Variants in TECPR2 observed in about 807,000 individuals in gnomAD.
TECPR2 encodes the protein tectonin beta-propeller repeat containing 2.
TECPR2 carries 65 observed loss-of-function variants against 138.1 expected under a neutral mutation model. That is an observed-to-expected ratio of 0.47 (90% confidence interval 0.39 to 0.58). The LOEUF is 0.58. TECPR2 is among the 20% of genes least tolerant of loss of function. The pLI is 0.00. For synonymous variants in TECPR2, 746 were observed against 749.8 expected (o/e 0.99, Z 0.08); for missense variants, 1,553 against 1,824.5 (o/e 0.85, Z 2.71).
At chr14:102,450,889 T>C (rs906033042) in intron 15 of TECPR2, among the ~76,000 whole-genome samples, 1 of 152,286 alleles carries the variant, frequency 6.6e-6, no homozygotes, top group East Asian at 1.9e-4. Context: ...AAAGTGTCCT[T>C]CTGAAGGAGG....
In TECPR2 at chr14:102,498,231, C is replaced by G. The variant is rs1891345055; in HGVS notation, c.4210C>G (p.Leu1404Val). Residue 1404 changes from leucine to valine, a missense_variant, in exon 20 of 20, where the codon CTG (leucine) becomes GTG (valine). By Grantham distance (32) the Leu-to-Val change is conservative. Transcript: ENST00000359520. ...GGCCGCCATGCCCCACCCTGAGGAC[C>G]TGGAGGACGAGTGGGAGGTCATCTG... ...SQAAMPHPED[L>V]EDEWEVI is the part of the protein sequence containing the mutation. 1 of 1,604,552 alleles carries G rather than the reference C, an allele frequency of 6.2e-7. No individual in the cohort carries two copies. The highest frequency in any genetic ancestry group is 8.5e-7 in the Non-Finnish European group (1 of 1,179,924).
chr14:102,445,976 G>A (rs375825480), intron 13 of TECPR2, 29 bp downstream of exon 13: 103 of 1,593,614 alleles, frequency 6.5e-5, no homozygotes, highest in African/African-American at 1.1e-4. Context: ...GCCACGTGCC[G>A]AGGTCTCCCG....
chr14:102,468,523 G>A (rs916978270), intron 17 of TECPR2, among the ~76,000 whole-genome samples: 1 of 152,042 alleles, frequency 6.6e-6, no homozygotes, highest in Admixed American at 6.6e-5. Flanking sequence ...ATGTATTCTG[G>A]GTACTAGACC....
intron 6 of TECPR2, 28 bp from the exon 7 acceptor site, chr14:102,428,222 G>GTGT: frequency 9.5e-7 from 1 of 1,055,780 alleles, no homozygotes; most frequent in Non-Finnish European, 1.2e-6. Flanking sequence ...TGTGTTTTTT[G>GTGT]TTTTTTTTTT....
intron 4 of TECPR2, among the ~76,000 whole-genome samples, chr14:102,414,355 A>G (rs934700851): frequency 3.3e-5 from 5 of 152,240 alleles, no homozygotes; most frequent in African/African-American, 1.2e-4. Context: ...TAAAGAATGT[A>G]TCTACTGAGG....
At chr14:102,365,263 G>A (rs1469833124) in intron 1 of TECPR2, among the ~76,000 whole-genome samples, 3 of 152,310 alleles carry the variant, frequency 2.0e-5, no homozygotes, top group East Asian at 3.9e-4. Context: ...GAAGGGGAGA[G>A]AAAACAGATA....
At chr14:102,461,965 A>G (rs1029953805) in intron 16 of TECPR2, among the ~76,000 whole-genome samples, 5 of 152,198 alleles carry the variant, frequency 3.3e-5, no homozygotes, top group Admixed American at 2.6e-4. Flanking sequence ...GTCTGCAGGA[A>G]AGCCCTCAGT....
intron 12 of TECPR2, among the ~76,000 whole-genome samples, chr14:102,444,319 A>G (rs1889913144): frequency 6.6e-6 from 1 of 151,290 alleles, no homozygotes; most frequent in African/African-American, 2.4e-5. Context: ...CAGCCTCCTG[A>G]GTAGCTGGGA....
intron 5 of TECPR2, among the ~76,000 whole-genome samples, chr14:102,424,547 C>G (rs1377299220): frequency 4.6e-5 from 7 of 152,224 alleles, no homozygotes; most frequent in Non-Finnish European, 1.0e-4. Flanking sequence ...GTTGGCCAGG[C>G]TAGTCTCAAA....
chr14:102,392,095 T>C (rs1466555701), intron 2 of TECPR2, among the ~76,000 whole-genome samples: 1 of 152,140 alleles, frequency 6.6e-6, no homozygotes, highest in Non-Finnish European at 1.5e-5. Context: ...TTCAAGTGAT[T>C]CTCCTGCCTC....
intron 4 of TECPR2, among the ~76,000 whole-genome samples, chr14:102,409,866 G>C (rs189832233): frequency 6.6e-6 from 1 of 151,902 alleles, no homozygotes; most frequent in Non-Finnish European, 1.5e-5. Context: ...GTGCAGTGGC[G>C]CGATCTCGGC....
At chr14:102,478,507 C>A (rs1890816999) in intron 17 of TECPR2, among the ~76,000 whole-genome samples, 1 of 151,320 alleles carries the variant, frequency 6.6e-6, no homozygotes, top group African/African-American at 2.4e-5. Context: ...ATTGTGAAAT[C>A]CCATCTCTAT....
chr14:102,431,797 G>A lies in TECPR2; in HGVS notation c.1086G>A (p.Val362=), dbSNP rs775863338. The change falls in exon 8 of 20, where the codon GTG becomes GTA. Residue 362 remains valine, a splice_region_variant and synonymous_variant. Coordinates refer to ENST00000359520, the MANE Select transcript of TECPR2 (RefSeq NM_014844.5). The part of the protein sequence containing the change: ...SSRPEGLTST[V]RDGLEMSGCS... ...TAAAACCAGACTCTTCTTTCTTAGT[G>A]AGAGATGGTCTGGAGATGTCTGGAT... 3.3e-5 allele frequency: 51 copies of A among 1,549,806 alleles called. No homozygotes were observed. Among genetic ancestry groups the A allele is most frequent in the Non-Finnish European group, 4.3e-5 (49 of 1,143,552 alleles).
At chr14:102,392,130 A>G (rs1394340503) in intron 2 of TECPR2, among the ~76,000 whole-genome samples, 1 of 152,098 alleles carries the variant, frequency 6.6e-6, no homozygotes, top group African/African-American at 2.4e-5. Context: ...CAGGGATTAC[A>G]GGTGCTCGCC....
At chr14:102,459,059 G>A (rs1247413629) in intron 16 of TECPR2, among the ~76,000 whole-genome samples, 1 of 150,622 alleles carries the variant, frequency 6.6e-6, no homozygotes, top group African/African-American at 2.4e-5. Context: ...GACTTTACAG[G>A]CAGAGACCAA....
chr14:102,476,366 T>TAA (rs772790942), intron 17 of TECPR2, among the ~76,000 whole-genome samples: 5 of 110,462 alleles, frequency 4.5e-5, no homozygotes, highest in South Asian at 3.3e-4. Flanking sequence ...ACCCTGCCTC[T>TAA]AAAAAAAAAA....
chr14:102,392,849 T>G (rs1053358849), intron 2 of TECPR2, among the ~76,000 whole-genome samples: 1 of 152,206 alleles, frequency 6.6e-6, no homozygotes, highest in African/African-American at 2.4e-5. Context: ...AGAGCTTTGC[T>G]TGGAAAGAGA....
rs7142419 is a variant in TECPR2, at chr14:102,415,148, C to G, written c.638+355C>G. Among the ~76,000 whole-genome samples, 52,458 of 152,018 alleles carry G rather than the reference C, an allele frequency of 0.35. 9,286 individuals carry two copies. The highest frequency in any genetic ancestry group is 0.41 in the Middle Eastern group (121 of 294). On this transcript the variant is annotated intron_variant, in intron 5 of 19. Transcript: ENST00000359520. This position sits in a 1 kb window ranked among gnomAD's most constrained non-coding sequence, Gnocchi z 4.3. Reference sequence around the variant, plus strand: ...CTGGTGAGGGGTCAGGGTTGTGGGGCTCACTCGTTATTCAGCACGTGTTTA... The same window carrying G: ...CTGGTGAGGGGTCAGGGTTGTGGGGGTCACTCGTTATTCAGCACGTGTTTA...
intron 17 of TECPR2, among the ~76,000 whole-genome samples, chr14:102,478,229 T>A (rs1890810383): frequency 6.6e-6 from 1 of 151,832 alleles, no homozygotes; most frequent in Admixed American, 6.6e-5. Context: ...TAAAAAAATT[T>A]GTAGAGGCAT....
Sources: gnomAD v4.1 joint callset for allele counts (sites outside exome capture counted in the v4.1 genomes callset) on GRCh38, gnomAD v4.1.1 for gene constraint, Gnocchi (gnomAD v3.1) non-coding constraint, MANE v1.5 for transcripts, NCBI Gene and HGNC (gene_info 2026-07-23, HGNC 2026-07-21) for gene names.